CNTN1: variants seen among roughly 807,000 people sequenced by gnomAD.
CNTN1 encodes contactin-1.
CNTN1 carries 38 observed loss-of-function variants against 126.4 expected under a neutral mutation model. The ratio of observed to expected loss-of-function variants is 0.30; its 90% CI spans 0.23 to 0.39. The LOEUF (loss-of-function observed/expected upper bound fraction) is 0.39. Among genes scored for constraint, CNTN1 ranks in the 10% least tolerant of loss-of-function variants. The probability of loss-of-function intolerance (pLI) is 1.00; values close to 1 mark genes in which losing one functional copy is unlikely to be tolerated. For missense variants in CNTN1, 1,009 were observed against 1,248.4 expected (o/e 0.81, Z 2.89); for synonymous variants, 413 against 422.6 (o/e 0.98, Z 0.28).
At chr12:40,970,828 C>T (rs896469497) in intron 15 of CNTN1, among the ~76,000 whole-genome samples, 3 of 152,160 alleles carry the variant, frequency 2.0e-5, no homozygotes, top group Non-Finnish European at 4.4e-5. Flanking sequence ...CTATTAATCA[C>T]TGTAAGCCTC....
chr12:40,795,232 C>A (rs543153925), intron 1 of CNTN1, among the ~76,000 whole-genome samples: 1 of 151,066 alleles, frequency 6.6e-6, no homozygotes, highest in Non-Finnish European at 1.5e-5. Flanking sequence ...ATCCTCTGAA[C>A]CAATTCCTTA....
chr12:40,922,617 T>G (rs918223362), intron 5 of CNTN1, among the ~76,000 whole-genome samples, 189 bp downstream of exon 5: 2 of 151,798 alleles, frequency 1.3e-5, no homozygotes, highest in Non-Finnish European at 2.9e-5. Flanking sequence ...CTTGAAACAG[T>G]GAAAGATGAT....
intron 23 of CNTN1, among the ~76,000 whole-genome samples, chr12:41,050,668 T>G (rs1450646573): frequency 6.6e-6 from 1 of 152,196 alleles, no homozygotes; most frequent in Non-Finnish European, 1.5e-5. Context: ...GTTCTCTTTT[T>G]GCATAAATGA....
intron 15 of CNTN1, chr12:40,971,989 C>CT: frequency 1.0e-6 from 1 of 1,000,644 alleles, no homozygotes; most frequent in Non-Finnish European, 1.2e-6. Flanking sequence ...CTCCGGCAGT[C>CT]TTTTTTTCTT....
At chr12:40,960,043 A>G (rs908511597) in intron 15 of CNTN1, among the ~76,000 whole-genome samples, 1 of 152,040 alleles carries the variant, frequency 6.6e-6, no homozygotes, top group Non-Finnish European at 1.5e-5. Context: ...TGATTTGTTG[A>G]CCAAATCTTA....
chr12:40,826,385 G>A (rs1941614883), intron 1 of CNTN1, among the ~76,000 whole-genome samples: 1 of 152,082 alleles, frequency 6.6e-6, no homozygotes, highest in Admixed American at 6.6e-5. Context: ...AGTGTATGTA[G>A]TTTACTTGAA....
At position 40,933,724 on chromosome 12, in the gene CNTN1, G is replaced by A. The variant is rs1358442193; in HGVS notation, c.831G>A (p.Lys277=). 7.4e-6 allele frequency: 12 copies of A among 1,612,810 alleles called. No individual in the cohort carries two copies. Among genetic ancestry groups the A allele is most frequent in the Non-Finnish European group, 1.0e-5 (12 of 1,179,162 alleles). Residue 277 remains lysine (K), a synonymous_variant, in exon 9 of 24, where the codon AAG becomes AAA. Transcript: ENST00000551295. ...CTGTTCCGGATATCCGATGGCGGAAGGTTCTAGAACCAATGCCAAGCACTG... is the reference window on the plus strand; with the variant it reads ...CTGTTCCGGATATCCGATGGCGGAAAGTTCTAGAACCAATGCCAAGCACTG... The part of the protein sequence containing the change: ...GNPVPDIRWR[K]VLEPMPSTAE...
rs747816972 is a variant in CNTN1 at position 40,910,078 on chromosome 12, A to T, written c.67A>T (p.Thr23Ser). Residue 23 changes from threonine (T) to serine (S), a missense_variant, in exon 3 of 24, where the codon ACA (threonine) becomes TCA (serine). Coordinates refer to ENST00000551295, the MANE Select transcript of CNTN1 (RefSeq NM_001843.4). ...ISITTCLAEF[T>S]WYRRYGHGVS... ...GTTTTTTCTTTCATTTTTAGAGTTTACATGGTATAGAAGATATGGTCATGG... is the reference window on the plus strand; with the variant it reads ...GTTTTTTCTTTCATTTTTAGAGTTTTCATGGTATAGAAGATATGGTCATGG... 1.9e-6 allele frequency: 3 copies of T among 1,606,428 alleles called. No homozygotes were observed. The African/African-American group carries it at 4.0e-5, about 21-fold the overall frequency.
chr12:40,940,466 A>G (rs1805545863), intron 12 of CNTN1, among the ~76,000 whole-genome samples: 1 of 152,198 alleles, frequency 6.6e-6, no homozygotes, highest in Admixed American at 6.6e-5. Flanking sequence ...CATTTGAAAG[A>G]CTGTTATTAC....
Position 40,821,427 on chromosome 12 carries a change from G to A in CNTN1, c.-76-86930G>A, listed in dbSNP as rs116286000. On this transcript the variant is annotated intron_variant, in intron 1 of 23. Transcript: ENST00000551295. ...AACTAAAATTAAATATGATTAAATA[G>A]AGATTATTAGAATTACTTGTTATAC... Among the ~76,000 whole-genome samples, 334 of 152,288 alleles carry A rather than the reference G, an allele frequency of 2.2e-3. 1 individual carries two copies. Among genetic ancestry groups the A allele is most frequent in the African/African-American group, 7.7e-3 (318 of 41,568 alleles).
Position 41,061,638 on chromosome 12 carries a change from G to T in CNTN1, c.2981-8321G>T, listed in dbSNP as rs1251257281. ...AAATAAGGGAAAATGTAACAAATAT[G>T]TTTGCAAATTTTATGGCTCAATGCT... is the stretch of plus-strand genomic sequence containing the variant. On this transcript the variant is annotated intron_variant, in intron 23 of 23. Transcript: ENST00000551295. 10 of 314,548 alleles carry T rather than the reference G, an allele frequency of 3.2e-5. No individual in the cohort carries two copies. In the Admixed American group the frequency reaches 4.4e-4, roughly 14 times the overall value. The allele number at this position is 314,548 out of a possible 1,614,324, so 19.5% of individuals were successfully genotyped here.
At chr12:40,988,223 T>A (rs1948013173) in intron 16 of CNTN1, among the ~76,000 whole-genome samples, 1 of 152,162 alleles carries the variant, frequency 6.6e-6, no homozygotes, top group African/African-American at 2.4e-5. Context: ...TAAATTCTCA[T>A]TTCCAGTCTC....
chr12:41,020,134 C>T (rs1393296676), intron 19 of CNTN1, among the ~76,000 whole-genome samples: 1 of 151,832 alleles, frequency 6.6e-6, no homozygotes, highest in East Asian at 1.9e-4. Flanking sequence ...ACATGTATCA[C>T]TAATGCCATA....
At chr12:40,733,474 G>A (rs756089654) in intron 1 of CNTN1, among the ~76,000 whole-genome samples, 18 of 151,706 alleles carry the variant, frequency 1.2e-4, no homozygotes, top group Non-Finnish European at 2.4e-4. Flanking sequence ...GTTCAGGTAA[G>A]GAGGTCTTCC....
chr12:40,959,480 A>G (rs1433166873), intron 15 of CNTN1, among the ~76,000 whole-genome samples: 1 of 151,988 alleles, frequency 6.6e-6, no homozygotes, highest in Non-Finnish European at 1.5e-5. Context: ...CATATCTCCT[A>G]CTAAATGTTT....
chr12:40,981,666 C>A (rs952554564), intron 16 of CNTN1, among the ~76,000 whole-genome samples: 1 of 152,036 alleles, frequency 6.6e-6, no homozygotes, highest in East Asian at 1.9e-4. Context: ...TGGGTACTTT[C>A]CTTTGTCTAC....
chr12:40,981,201 A>G, intron 16 of CNTN1, 134 bp downstream of exon 16: 1 of 797,224 alleles, frequency 1.3e-6, no homozygotes, highest in South Asian at 1.7e-5. Flanking sequence ...TTTAAAATGT[A>G]TTCTAATATT....
At chr12:40,846,550 A>G (rs763119137) in intron 1 of CNTN1, among the ~76,000 whole-genome samples, 2 of 152,204 alleles carry the variant, frequency 1.3e-5, no homozygotes, top group Non-Finnish European at 2.9e-5. Context: ...ACATAGCAGT[A>G]GAAAAGCTTC....
intron 23 of CNTN1, among the ~76,000 whole-genome samples, chr12:41,068,021 C>T (rs797003173): frequency 2.6e-4 from 39 of 152,276 alleles, no homozygotes; most frequent in African/African-American, 9.1e-4. Flanking sequence ...TGTGCCCTTG[C>T]CTTGATACAT....
Sources: allele counts gnomAD v4.1 joint callset (sites outside exome capture counted in the v4.1 genomes callset), GRCh38; gene constraint gnomAD v4.1.1; transcripts MANE v1.5; gene names NCBI Gene and HGNC (gene_info 2026-07-23, HGNC 2026-07-21).